GOLM1: variants seen among roughly 807,000 people sequenced by gnomAD.
GOLM1 encodes epididymis luminal protein 46.
A neutral mutation model predicts 50.5 loss-of-function variants in GOLM1; 31 were observed. The observed-to-expected ratio is 0.61, with a 90% CI of 0.46 to 0.83. The LOEUF (loss-of-function observed/expected upper bound fraction) is 0.83. GOLM1 is among the 40% of genes least tolerant of loss of function. The pLI, the probability that GOLM1 is intolerant of heterozygous loss-of-function variation, is 0.00. For synonymous variants in GOLM1, 178 were observed against 192.8 expected (o/e 0.92, Z 0.64); for missense variants, 491 against 501.3 (o/e 0.98, Z 0.20).
At chr9:86,086,474 C>T (rs1321739193) in intron 1 of GOLM1, among the ~76,000 whole-genome samples, 1 of 151,662 alleles carries the variant, frequency 6.6e-6, no homozygotes, top group East Asian at 1.9e-4. Flanking sequence ...TAACTAGATC[C>T]CATTTGTCTA....
intron 4 of GOLM1, among the ~76,000 whole-genome samples, chr9:86,049,540 A>G (rs12236923): frequency 0.038 from 5,825 of 152,078 alleles, 479 homozygotes; most frequent in East Asian, 0.36. Context: ...GTCCTCTTTT[A>G]TTTCATTGAG....
At chr9:86,060,350 CA>C (rs1234400812) in intron 3 of GOLM1, among the ~76,000 whole-genome samples, 1 of 151,994 alleles carries the variant, frequency 6.6e-6, no homozygotes, top group African/African-American at 2.4e-5. Context: ...CAGAGACTTG[CA>C]AACAAGTCAT....
chr9:86,047,583 CA>C (rs1227934686), intron 4 of GOLM1, among the ~76,000 whole-genome samples: 1 of 152,108 alleles, frequency 6.6e-6, no homozygotes, highest in Non-Finnish European at 1.5e-5. Flanking sequence ...GAGCGGTGGG[CA>C]GCTGCCATGT....
At chr9:86,040,492 G>A (rs1833304354) in intron 6 of GOLM1, among the ~76,000 whole-genome samples, 1 of 152,162 alleles carries the variant, frequency 6.6e-6, no homozygotes, top group Non-Finnish European at 1.5e-5. Context: ...CTCTCTCCCA[G>A]GCTGGCTGCG....
At chr9:86,092,620 A>ATTCCCAT (rs562414825) in intron 1 of GOLM1, among the ~76,000 whole-genome samples, 61 of 152,320 alleles carry the variant, frequency 4.0e-4, no homozygotes, top group African/African-American at 1.4e-3. Flanking sequence ...TGGGCTCCCA[A>ATTCCCAT]TGGGAGCAGG....
chr9:86,086,254 G>T (rs997109915), intron 1 of GOLM1, among the ~76,000 whole-genome samples: 1 of 152,090 alleles, frequency 6.6e-6, no homozygotes, highest in Non-Finnish European at 1.5e-5. Context: ...ATGTTTGTTG[G>T]CTGCATAAAT....
Position 86,092,088 on chromosome 9 carries a change from T to C in GOLM1, c.-22+7323A>G, listed in dbSNP as rs575682062. On this transcript the variant is annotated intron_variant, in intron 1 of 9. Transcript: ENST00000388712. The stretch of plus-strand genomic sequence containing the variant: ...CTCCAAGACTGGAACCCCACAACCA[T>C]GTCTGACCCTTGCTCTACCACTCAG... 1.2e-3 allele frequency among the ~76,000 whole-genome samples: 181 copies of C among 152,276 alleles called. 1 individual carries two copies. The highest frequency in any genetic ancestry group is 4.2e-3 in the Admixed American group (64 of 15,288).
chr9:86,053,926 C>T (rs1357569011), intron 3 of GOLM1, among the ~76,000 whole-genome samples: 2 of 152,100 alleles, frequency 1.3e-5, no homozygotes, highest in Admixed American at 1.3e-4. Context: ...CTCCCTGCCT[C>T]AGAGCTCAAA....
At chr9:86,070,558 G>A (rs1306589300) in intron 3 of GOLM1, among the ~76,000 whole-genome samples, 8 of 150,480 alleles carry the variant, frequency 5.3e-5, no homozygotes, top group South Asian at 2.1e-4. Context: ...GCGACAGAGC[G>A]AGACTCCACC....
At chr9:86,071,984 A>G (rs1228751186) in intron 3 of GOLM1, among the ~76,000 whole-genome samples, 2 of 152,244 alleles carry the variant, frequency 1.3e-5, no homozygotes, top group Non-Finnish European at 2.9e-5. Context: ...AGGGTACAGC[A>G]GTGAGAAAGA....
At position 86,035,671 on chromosome 9, in the gene GOLM1, T is replaced by TAAA. The variant is rs375193474; in HGVS notation, c.758-49_758-47dup. 2,696 of 871,908 alleles carry TAAA rather than the reference T, an allele frequency of 3.1e-3. 57 individuals are homozygous for TAAA. In the African/African-American group the frequency reaches 0.052, roughly 17 times the overall value. The allele number at this position is 871,908 out of a possible 1,614,324, so 54.0% of individuals were successfully genotyped here. ...GCTGTGACCTTGCCAGCATTTGATT[T>TAAA]AAAAAAAAAAAAAAAAAAAAAAGCA... On this transcript the variant is annotated intron_variant, in intron 7 of 9. Coordinates refer to ENST00000388712, the MANE Select transcript of GOLM1 (RefSeq NM_016548.4).
intron 4 of GOLM1, among the ~76,000 whole-genome samples, chr9:86,049,633 T>C (rs754833033): frequency 3.0e-4 from 45 of 152,332 alleles, no homozygotes; most frequent in East Asian, 5.8e-4. Context: ...TTTGAAGCAA[T>C]TGTGAATGGG....
At chr9:86,050,251 T>C (rs567235555) in intron 4 of GOLM1, among the ~76,000 whole-genome samples, 5 of 152,348 alleles carry the variant, frequency 3.3e-5, no homozygotes. Context: ...TTTGATGTGC[T>C]GCTGGATTTG....
intron 4 of GOLM1, among the ~76,000 whole-genome samples, chr9:86,049,820 A>C (rs1381864202): frequency 6.6e-6 from 1 of 152,206 alleles, no homozygotes; most frequent in African/African-American, 2.4e-5. Context: ...AAACAGGGAC[A>C]ATTTGACTTC....
At chr9:86,067,408 T>C (rs151257998) in intron 3 of GOLM1, among the ~76,000 whole-genome samples, 495 of 152,340 alleles carry the variant, frequency 3.2e-3, no homozygotes, top group African/African-American at 0.011. Context: ...TATGTACACA[T>C]ATATGAATCT....
At chr9:86,092,658 A>G (rs1835222312) in intron 1 of GOLM1, among the ~76,000 whole-genome samples, 1 of 152,166 alleles carries the variant, frequency 6.6e-6, no homozygotes, top group Admixed American at 6.5e-5. Flanking sequence ...TGACACAAGG[A>G]AAGGAAGTAA....
intron 8 of GOLM1, among the ~76,000 whole-genome samples, chr9:86,034,728 A>G (rs1184887093): frequency 6.6e-6 from 1 of 152,208 alleles, no homozygotes; most frequent in Non-Finnish European, 1.5e-5. Context: ...AACTTCTGTG[A>G]CTTGGTCCAC....
chr9:86,043,051 T>C (rs1042390044), intron 5 of GOLM1, among the ~76,000 whole-genome samples: 1 of 152,208 alleles, frequency 6.6e-6, no homozygotes, highest in Non-Finnish European at 1.5e-5. Context: ...ACTGATGGAA[T>C]GTGTTCAAGT....
intron 1 of GOLM1, among the ~76,000 whole-genome samples, chr9:86,095,290 G>A (rs555493928): frequency 2.6e-5 from 4 of 151,694 alleles, no homozygotes; most frequent in African/African-American, 4.8e-5. Flanking sequence ...GTGCAGTGGC[G>A]CAATCTCAGC....
Sources: gnomAD v4.1 joint callset for allele counts (sites outside exome capture counted in the v4.1 genomes callset) on GRCh38, gnomAD v4.1.1 for gene constraint, MANE v1.5 for transcripts, NCBI Gene and HGNC (gene_info 2026-07-23, HGNC 2026-07-21) for gene names.